NUP188: variants seen among roughly 807,000 people sequenced by gnomAD.
NUP188 encodes the protein nucleoporin 188.
In NUP188, 97 loss-of-function variants were observed where a neutral mutation model predicts 223.0. The observed-to-expected ratio is 0.43, with a 90% CI of 0.37 to 0.51. NUP188 has a LOEUF of 0.51. NUP188 is among the 20% of genes least tolerant of loss of function. NUP188 has a pLI of 0.00. For missense variants in NUP188, 1,947 were observed against 2,175.6 expected (o/e 0.89, Z 2.09); for synonymous variants, 869 against 828.0 (o/e 1.05, Z -0.85).
intron 8 of NUP188, among the ~76,000 whole-genome samples, chr9:128,961,566 C>G (rs538277491): frequency 2.8e-5 from 4 of 145,084 alleles, no homozygotes; most frequent in African/African-American, 1.1e-4. Flanking sequence ...CTATATATAT[C>G]TATATCTATA....
chr9:129,002,689 G>T (rs527304491), intron 36 of NUP188, 128 bp from the exon 37 acceptor site: 76 of 974,818 alleles, frequency 7.8e-5, no homozygotes, highest in Non-Finnish European at 1.1e-4. Context: ...CTGGTGGCCA[G>T]ACAGTGGCTG....
intron 19 of NUP188, 132 bp downstream of exon 19, chr9:128,983,682 G>T (rs554137279): frequency 1.4e-6 from 1 of 693,740 alleles, no homozygotes; most frequent in East Asian, 2.7e-5. Flanking sequence ...GTCTCACTCT[G>T]TTGCCCAGGC....
intron 24 of NUP188, 66 bp from the exon 25 acceptor site, chr9:128,990,054 A>T: frequency 2.4e-6 from 3 of 1,232,578 alleles, no homozygotes; most frequent in Non-Finnish European, 1.2e-6. Context: ...TTTTTTGAAC[A>T]GTCAGTGCTC....
chr9:128,957,704 T>TC (rs1431944286), intron 5 of NUP188, among the ~76,000 whole-genome samples: 1 of 151,894 alleles, frequency 6.6e-6, no homozygotes, highest in Non-Finnish European at 1.5e-5. Flanking sequence ...GACCTCGTGA[T>TC]CCCCCCGCCT....
At chr9:128,990,699 C>T (rs937996585) in intron 25 of NUP188, among the ~76,000 whole-genome samples, 1 of 152,220 alleles carries the variant, frequency 6.6e-6, no homozygotes, top group African/African-American at 2.4e-5. Context: ...CCCTTCTCTA[C>T]TGAAAAATAC....
At position 128,968,710 on chromosome 9, in the gene NUP188, C is replaced by T. The variant is rs189789611; in HGVS notation, c.790C>T (p.Arg264Trp). ...TGAGACTATGGATCCTTTTGTAGAT[C>T]GGATTGGGTAAGTCAGTGAATTGAA... ...VDETMDPFVD[R>W]IGYFSALILV... The change falls in exon 9 of 44, where the codon CGG becomes TGG. Residue 264 changes from arginine (R) to tryptophan (W), a missense_variant. By Grantham distance (101) the Arg-to-Trp change is moderately radical. Coordinates refer to ENST00000372577, the MANE Select transcript of NUP188 (RefSeq NM_015354.3). The T allele has an allele frequency of 5.3e-5, 85 of 1,612,102 alleles. No individual in the cohort carries two copies. Among genetic ancestry groups the T allele is most frequent in the Non-Finnish European group, 7.0e-5 (83 of 1,178,268 alleles).
At chr9:128,955,845 G>A (rs1158820847) in intron 3 of NUP188, among the ~76,000 whole-genome samples, 1 of 151,106 alleles carries the variant, frequency 6.6e-6, no homozygotes, top group Non-Finnish European at 1.5e-5. Flanking sequence ...ACCTCCTGCT[G>A]TTGGAGTATT....
At chr9:128,986,762 G>T in intron 21 of NUP188, 47 bp from the exon 22 acceptor site, 1 of 1,612,802 alleles carries the variant, frequency 6.2e-7, no homozygotes, top group Non-Finnish European at 8.5e-7. Context: ...GAGATAAGGG[G>T]TCATTTCACA....
chr9:128,997,149 G>A (rs1205270805), intron 30 of NUP188, among the ~76,000 whole-genome samples: 4 of 152,216 alleles, frequency 2.6e-5, no homozygotes, highest in African/African-American at 7.2e-5. Context: ...AATGTGTGAA[G>A]AAGCCTTCCA....
intron 10 of NUP188, among the ~76,000 whole-genome samples, 173 bp downstream of exon 10, chr9:128,969,687 C>G (rs1842079788): frequency 6.6e-6 from 1 of 152,188 alleles, no homozygotes. Flanking sequence ...TGAAGTCTAG[C>G]TCTGTCACCA....
At chr9:128,973,539 T>C (rs984352608) in intron 12 of NUP188, among the ~76,000 whole-genome samples, 75 of 152,018 alleles carry the variant, frequency 4.9e-4, no homozygotes, top group African/African-American at 1.7e-3. Context: ...TCCGCCACCT[T>C]GCCCAGTTAA....
chr9:129,003,629 A>G, intron 38 of NUP188, 175 bp downstream of exon 38: 1 of 786,222 alleles, frequency 1.3e-6, no homozygotes, highest in East Asian at 2.6e-5. Context: ...GTTTCCTTCC[A>G]TAGTCAAGGG....
chr9:128,951,690 G>T (rs956450689), intron 2 of NUP188, among the ~76,000 whole-genome samples: 2 of 151,892 alleles, frequency 1.3e-5, no homozygotes, highest in Non-Finnish European at 2.9e-5. Flanking sequence ...AGAAAAGAAG[G>T]TTACAGAATT....
chr9:128,956,012 A>G (rs1841863834), intron 3 of NUP188, among the ~76,000 whole-genome samples: 1 of 152,012 alleles, frequency 6.6e-6, no homozygotes, highest in Non-Finnish European at 1.5e-5. Flanking sequence ...TTCCATTTGT[A>G]AAAGGAGAAT....
intron 8 of NUP188, among the ~76,000 whole-genome samples, chr9:128,962,126 G>A (rs998614958): frequency 6.6e-6 from 1 of 151,306 alleles, no homozygotes; most frequent in Admixed American, 6.6e-5. Context: ...GTAGAGATGG[G>A]GTTTCTCCAT....
chr9:128,993,183 C>T lies in NUP188; in HGVS notation c.2641-14C>T, dbSNP rs1432955095. 6.2e-7 allele frequency: 1 copy of T among 1,610,086 alleles called. No homozygotes were observed. Among genetic ancestry groups the T allele is most frequent in the African/African-American group, 1.3e-5 (1 of 74,932 alleles). On this transcript the variant is annotated splice_polypyrimidine_tract_variant and intron_variant, in intron 25 of 43. Coordinates refer to ENST00000372577, the MANE Select transcript of NUP188 (RefSeq NM_015354.3). Reference sequence around the variant, plus strand: ...AAGCAGAGCTCTAAGCCTGTGTGTTCCGGTCTCCACCAGGTGGCCCCAATG... The same window carrying T: ...AAGCAGAGCTCTAAGCCTGTGTGTTTCGGTCTCCACCAGGTGGCCCCAATG...
intron 10 of NUP188, 59 bp from the exon 11 acceptor site, chr9:128,970,699 G>T: frequency 1.4e-6 from 2 of 1,439,714 alleles, no homozygotes; most frequent in Non-Finnish European, 9.8e-7. Flanking sequence ...GAAGAATCTG[G>T]TCGAGGGATA....
intron 35 of NUP188, 64 bp from the exon 36 acceptor site, chr9:129,001,820 C>T: frequency 1.3e-6 from 2 of 1,593,442 alleles, no homozygotes; most frequent in Non-Finnish European, 1.7e-6. Flanking sequence ...GCCTGAGAGC[C>T]CTACCTACCC....
intron 24 of NUP188, among the ~76,000 whole-genome samples, chr9:128,988,719 ATTTT>A (rs528821221): frequency 1.4e-5 from 1 of 72,858 alleles, no homozygotes; most frequent in African/African-American, 4.6e-5. Flanking sequence ...TAATTTTTTA[ATTTT>A]TTTTTTTTTT....
Sources: allele counts gnomAD v4.1 joint callset (sites outside exome capture counted in the v4.1 genomes callset), GRCh38; gene constraint gnomAD v4.1.1; transcripts MANE v1.5; gene names NCBI Gene and HGNC (gene_info 2026-07-23, HGNC 2026-07-21).